RFX7: variants seen among roughly 807,000 people sequenced by gnomAD.
The protein encoded by RFX7 is regulatory factor X7.
RFX7 carries 26 observed loss-of-function variants against 111.8 expected under a neutral mutation model. The observed-to-expected ratio is 0.23, with a 90% CI of 0.17 to 0.32. The LOEUF (loss-of-function observed/expected upper bound fraction) is 0.32. RFX7 is among the 10% of genes least tolerant of loss of function. RFX7 has a pLI of 1.00. For synonymous variants in RFX7, 624 were observed against 624.4 expected, an observed-to-expected ratio of 1.00 and a Z score of 0.01; for missense variants, 1,573 against 1,772.9, an observed-to-expected ratio of 0.89 and a Z score of 2.02.
chr15:56,163,417 A>C (rs1303218559), intron 3 of RFX7, among the ~76,000 whole-genome samples: 1 of 152,182 alleles, frequency 6.6e-6, no homozygotes, highest in Non-Finnish European at 1.5e-5. Flanking sequence ...CTGATTTAAA[A>C]CACTAAACCA....
At chr15:56,179,823 G>C (rs1230089408) in intron 2 of RFX7, among the ~76,000 whole-genome samples, 1 of 134,660 alleles carries the variant, frequency 7.4e-6, no homozygotes, top group African/African-American at 2.8e-5. Context: ...CCAGTAACAG[G>C]AATCCCTAGA....
chr15:56,244,312 A>G (rs2043783489), upstream of RFX7: 2 of 152,324 alleles, frequency 1.3e-5, no homozygotes, highest in African/African-American at 4.8e-5. Flanking sequence ...AGAAGCCCCC[A>G]AAGAAGAACA....
intron 2 of RFX7, among the ~76,000 whole-genome samples, chr15:56,228,697 A>T (rs1343458535): frequency 6.6e-6 from 1 of 152,192 alleles, no homozygotes; most frequent in African/African-American, 2.4e-5. Context: ...TTATATTCAA[A>T]AACATTAAAA....
intron 2 of RFX7, among the ~76,000 whole-genome samples, chr15:56,228,896 C>A (rs1177715689): frequency 1.3e-5 from 2 of 151,920 alleles, no homozygotes; most frequent in Non-Finnish European, 2.9e-5. Flanking sequence ...ATAAATTAGG[C>A]ATAGTAAGAG....
chr15:56,197,795 A>C (rs2043159319), intron 2 of RFX7, among the ~76,000 whole-genome samples: 1 of 152,164 alleles, frequency 6.6e-6, no homozygotes, highest in Non-Finnish European at 1.5e-5. Flanking sequence ...ATTAAAACAG[A>C]TTCAAGGGGT....
Position 56,093,567 on chromosome 15 carries a change from A to G in RFX7, c.4161T>C (p.Ser1387=). Residue 1387 remains serine (S), a synonymous_variant, in exon 10 of 10, where the codon TCT becomes TCC. Transcript: ENST00000559447. The part of the protein sequence containing the change: ...ASDFSSDIRL[S]SELSGSINDL... ...CATTGATGCTGCCTGAGAGCTCAGA[A>G]GACAACCTGATATCGCTAGAGAAAT... 6.2e-7 allele frequency: 1 copy of G among 1,613,772 alleles called. No individual in the cohort carries two copies. The highest frequency in any genetic ancestry group is 8.5e-7 in the Non-Finnish European group (1 of 1,179,720).
chr15:56,101,556 G>A lies in RFX7; in HGVS notation c.614C>T (p.Ala205Val), dbSNP rs769558133. The change falls in exon 8 of 10, where the codon GCT becomes GTT. Residue 205 changes from alanine to valine, a missense_variant. Around this residue, in one of 7 missense-constraint regions of RFX7, gnomAD observed 288 missense variants for 337.9 expected, o/e 0.85. Coordinates refer to ENST00000559447, the MANE Select transcript of RFX7 (RefSeq NM_022841.7). ...ATTTTGAAGCTGCCCAGAAGGTTCA[G>A]CTCCTTCCAACTAGGCAAAGAAAAA... is the stretch of plus-strand genomic sequence containing the variant. ...FHKTGDGLEG[A>V]EPSGQLQNID... 2 of 1,613,394 alleles carry A rather than the reference G, an allele frequency of 1.2e-6. No individual in the cohort carries two copies. The highest frequency in any genetic ancestry group is 8.5e-7 in the Non-Finnish European group (1 of 1,179,480).
intron 3 of RFX7, among the ~76,000 whole-genome samples, chr15:56,154,540 C>T (rs2042622639): frequency 6.6e-6 from 1 of 152,188 alleles, no homozygotes; most frequent in South Asian, 2.1e-4. Context: ...AAAGGATTCC[C>T]TATTTAATAA....
chr15:56,127,172 G>C (rs374692172), intron 5 of RFX7, among the ~76,000 whole-genome samples: 8 of 151,912 alleles, frequency 5.3e-5, no homozygotes, highest in African/African-American at 1.9e-4. Context: ...GAAGCTAGAA[G>C]TCAATAACTG....
intron 5 of RFX7, among the ~76,000 whole-genome samples, chr15:56,135,387 G>C (rs1298293221): frequency 4.0e-4 from 61 of 152,276 alleles, no homozygotes; most frequent in Non-Finnish European, 7.6e-4. Context: ...ATTTCTTCAT[G>C]TGTTTTTTGG....
intron 7 of RFX7, among the ~76,000 whole-genome samples, 156 bp downstream of exon 7, chr15:56,102,013 T>C (rs574300935): frequency 6.6e-6 from 1 of 152,354 alleles, no homozygotes; most frequent in South Asian, 2.1e-4. Flanking sequence ...GTAGGTCATA[T>C]ACACTAACAT....
intron 5 of RFX7, among the ~76,000 whole-genome samples, chr15:56,119,059 T>A (rs1349236182): frequency 6.6e-6 from 1 of 152,210 alleles, no homozygotes; most frequent in African/African-American, 2.4e-5. Context: ...TCTATAGAGT[T>A]GTTTGAGCTC....
At chr15:56,198,633 T>A (rs901689976) in intron 2 of RFX7, among the ~76,000 whole-genome samples, 31 of 152,090 alleles carry the variant, frequency 2.0e-4, no homozygotes, top group South Asian at 1.5e-3. Flanking sequence ...CAAGAAAAAA[T>A]TTTTTAAAGG....
At chr15:56,101,904 T>C (rs1457947733) in intron 7 of RFX7, among the ~76,000 whole-genome samples, 2 of 152,256 alleles carry the variant, frequency 1.3e-5, no homozygotes, top group African/African-American at 4.8e-5. Context: ...TGACTGACTT[T>C]TTCCTCTTGA....
intron 3 of RFX7, among the ~76,000 whole-genome samples, chr15:56,166,839 G>A (rs1200255689): frequency 6.6e-6 from 1 of 152,108 alleles, no homozygotes; most frequent in Non-Finnish European, 1.5e-5. Context: ...CTGCAGTCTG[G>A]AACTCCTGAG....
intron 2 of RFX7, chr15:56,193,332 A>T (rs2043117766): frequency 6.6e-6 from 1 of 152,224 alleles, no homozygotes. Flanking sequence ...TGGGACCAGC[A>T]GACGGGCAGC....
intron 3 of RFX7, among the ~76,000 whole-genome samples, chr15:56,155,036 CA>C (rs1262847937): frequency 6.6e-6 from 1 of 152,176 alleles, no homozygotes; most frequent in Non-Finnish European, 1.5e-5. Flanking sequence ...TGCTCATCAT[CA>C]CTGGTCACTA....
intron 3 of RFX7, among the ~76,000 whole-genome samples, chr15:56,152,132 A>G (rs1297012726): frequency 6.6e-6 from 1 of 152,048 alleles, no homozygotes; most frequent in Non-Finnish European, 1.5e-5. Flanking sequence ...CCCACTGTCA[A>G]TATTAGATAA....
intron 5 of RFX7, among the ~76,000 whole-genome samples, chr15:56,108,346 TCCA>T (rs2041859316): frequency 6.6e-6 from 1 of 152,176 alleles, no homozygotes; most frequent in African/African-American, 2.4e-5. Flanking sequence ...AAAAAGCTTA[TCCA>T]CCACCATCAA....
Sources: allele counts gnomAD v4.1 joint callset (sites outside exome capture counted in the v4.1 genomes callset), GRCh38; gene constraint gnomAD v4.1.1; regional missense constraint gnomAD v4.1.1; transcripts MANE v1.5; gene names NCBI Gene and HGNC (gene_info 2026-07-23, HGNC 2026-07-21).